ZNF682: variants seen among roughly 807,000 people sequenced by gnomAD.
ZNF682 encodes the protein zinc finger protein 682.
In ZNF682, 29 loss-of-function variants were observed where a neutral mutation model predicts 36.5. The observed-to-expected ratio is 0.80, with a 90% CI of 0.59 to 1.08. ZNF682 has a LOEUF of 1.08. ZNF682 is among the 50% of genes least tolerant of loss of function. The pLI is 0.00. For missense variants in ZNF682, 561 were observed against 579.7 expected, an observed-to-expected ratio of 0.97 and a Z score of 0.33; for synonymous variants, 180 against 197.0, an observed-to-expected ratio of 0.91 and a Z score of 0.72.
downstream of ZNF682, among the ~76,000 whole-genome samples, chr19:20,004,203 T>C (rs1467258110): frequency 7.2e-5 from 11 of 152,182 alleles, no homozygotes; most frequent in African/African-American, 1.9e-4. Flanking sequence ...AATGACTCTA[T>C]AATTAGAAGA....
downstream of ZNF682, among the ~76,000 whole-genome samples, chr19:20,001,089 C>T (rs796900463): frequency 3.9e-5 from 6 of 152,302 alleles, no homozygotes; most frequent in East Asian, 1.9e-4. Flanking sequence ...GGCCTTCATT[C>T]GTCCCAGTGG....
At position 20,011,163 on chromosome 19, in the gene ZNF682, C is replaced by T. The variant is rs1403174885; in HGVS notation, c.227-3888G>A. Among the ~76,000 whole-genome samples, 6 of 151,960 alleles carry T rather than the reference C, an allele frequency of 3.9e-5. No individual in the cohort carries two copies. In the South Asian group the frequency reaches 1.2e-3, roughly 32 times the overall value. ...AACAAACAAAAAAATGCAGTGGTCA[C>T]TATTCTTGTATTAATAAAACAGATT... On this transcript the variant is annotated intron_variant, in intron 3 of 3. Transcript: ENST00000397165.
chr19:20,013,862 G>A (rs1568540738), intron 3 of ZNF682, among the ~76,000 whole-genome samples: 2 of 152,278 alleles, frequency 1.3e-5, no homozygotes, highest in East Asian at 3.9e-4. Flanking sequence ...TTGCAGGTGT[G>A]AGCCACCATG....
chr19:20,029,232 C>T (rs1352355129), intron 1 of ZNF682, among the ~76,000 whole-genome samples: 1 of 151,690 alleles, frequency 6.6e-6, no homozygotes, highest in African/African-American at 2.4e-5. Flanking sequence ...GCCTGCGCCC[C>T]GGCCTCCCAA....
rs574980489 is a variant in ZNF682 at position 20,025,994 on chromosome 19, A to T, written c.4-1618T>A. On this transcript the variant is annotated intron_variant, in intron 1 of 3. Coordinates refer to ENST00000397165, the MANE Select transcript of ZNF682 (RefSeq NM_033196.3). ...TGGGCAATTAGTGACATCCTCTTTAAATGTGCATTTTTAAAATCCTGTTTC... is the reference window on the plus strand; with the variant it reads ...TGGGCAATTAGTGACATCCTCTTTATATGTGCATTTTTAAAATCCTGTTTC... Among the ~76,000 whole-genome samples the T allele has an allele frequency of 6.8e-4, 103 of 152,234 alleles. 1 individual carries two copies. The highest frequency in any genetic ancestry group is 4.6e-4 in the Admixed American group (7 of 15,298).
At chr19:20,034,917 C>T (rs568959387) in intron 1 of ZNF682, among the ~76,000 whole-genome samples, 14 of 152,068 alleles carry the variant, frequency 9.2e-5, no homozygotes, top group Admixed American at 7.9e-4. Context: ...GCCAGCATGG[C>T]GAAACCCCGT....
intron 1 of ZNF682, among the ~76,000 whole-genome samples, chr19:20,037,026 A>G (rs2088536905): frequency 1.3e-5 from 2 of 152,148 alleles, no homozygotes; most frequent in Non-Finnish European, 2.9e-5. Context: ...TCTAAATTCT[A>G]TCCTTCAGGA....
chr19:20,028,036 C>T (rs2088447324), intron 1 of ZNF682, among the ~76,000 whole-genome samples: 2 of 152,312 alleles, frequency 1.3e-5, no homozygotes, highest in Non-Finnish European at 2.9e-5. Flanking sequence ...GATGCTTCCA[C>T]CCAGGCCAAC....
chr19:20,038,612 T>TAAAA (rs1491386502), intron 1 of ZNF682, among the ~76,000 whole-genome samples: 2 of 35,794 alleles, frequency 5.6e-5, no homozygotes, highest in Non-Finnish European at 1.3e-4. Flanking sequence ...AGTTCCTACA[T>TAAAA]TAAAAAAAAA....
rs1443390021 is a variant in ZNF682 at position 20,005,290 on chromosome 19, CCTG to C, written c.*712_*714del. 6.6e-6 allele frequency: 1 copy of C among 152,054 alleles called. No homozygotes were observed. Among genetic ancestry groups the C allele is most frequent in the Non-Finnish European group, 1.5e-5 (1 of 68,018 alleles). 9.4% of individuals were successfully genotyped at this position (152,054 alleles called of 1,614,324 possible). ...CAGGGTTTCATCGTGGTCTCGATCT[CCTG>C]ACCTCGTGATCCGCCTGCCTCGGCC... On this transcript the variant is annotated 3_prime_UTR_variant, in exon 4 of 4. Transcript: ENST00000397165.
downstream of ZNF682, among the ~76,000 whole-genome samples, chr19:19,996,137 G>T (rs2088127881): frequency 6.6e-6 from 1 of 152,204 alleles, no homozygotes; most frequent in African/African-American, 2.4e-5. Context: ...CTGCATTAGC[G>T]ATGTAAGGAG....
At chr19:20,031,662 G>T (rs1034621838) in intron 1 of ZNF682, among the ~76,000 whole-genome samples, 15 of 152,166 alleles carry the variant, frequency 9.9e-5, no homozygotes, top group African/African-American at 3.1e-4. Flanking sequence ...TGATATGTCG[G>T]CCGGGCACGG....
intron 3 of ZNF682, among the ~76,000 whole-genome samples, chr19:19,997,585 G>GT (rs1277945244): frequency 7.2e-5 from 11 of 152,322 alleles, no homozygotes; most frequent in South Asian, 6.2e-4. Flanking sequence ...GAAAATACTA[G>GT]TTCCTGTTGT....
At chr19:20,027,231 C>T (rs1386869247) in intron 1 of ZNF682, among the ~76,000 whole-genome samples, 1 of 152,194 alleles carries the variant, frequency 6.6e-6, no homozygotes, top group Non-Finnish European at 1.5e-5. Context: ...GCAGATGTAC[C>T]TTAAAGGCAC....
At chr19:20,003,153 T>G (rs1195214650), downstream of ZNF682, among the ~76,000 whole-genome samples, 1 of 109,618 alleles carries the variant, frequency 9.1e-6, no homozygotes, top group Non-Finnish European at 1.7e-5. Flanking sequence ...ATCGCACCAC[T>G]GCACTCCAGC....
At chr19:20,011,185 G>T (rs2088284894) in intron 3 of ZNF682, among the ~76,000 whole-genome samples, 1 of 151,896 alleles carries the variant, frequency 6.6e-6, no homozygotes, top group South Asian at 2.1e-4. Context: ...TAATAAAACA[G>T]ATTTTAAACC....
chr19:19,997,144 G>A (rs774385690), exon 4 of ZNF682: 7 of 398,338 alleles, frequency 1.8e-5, no homozygotes, highest in Non-Finnish European at 3.1e-5. Flanking sequence ...CGTGTCCAGG[G>A]GCACAGAGAA....
intron 1 of ZNF682, among the ~76,000 whole-genome samples, chr19:20,038,423 A>C (rs930898170): frequency 6.6e-6 from 1 of 152,170 alleles, no homozygotes; most frequent in African/African-American, 2.4e-5. Context: ...GGTGTTGAAG[A>C]ATGTCAGGAA....
intron 3 of ZNF682, among the ~76,000 whole-genome samples, chr19:20,010,914 G>A (rs1469565926): frequency 2.6e-5 from 4 of 151,852 alleles, no homozygotes; most frequent in Non-Finnish European, 4.4e-5. Context: ...GCAGTAAGCC[G>A]AGATCGTGCC....
Sources: allele counts gnomAD v4.1 joint callset (sites outside exome capture counted in the v4.1 genomes callset), GRCh38; gene constraint gnomAD v4.1.1; transcripts MANE v1.5; gene names NCBI Gene and HGNC (gene_info 2026-07-23, HGNC 2026-07-21).